The following SAMD12 variants were observed in gnomAD, a reference collection of about 807,000 sequenced individuals.
SAMD12 encodes the protein sterile alpha motif domain-containing protein 12.
Under a neutral mutation model 15.0 loss-of-function variants are expected in SAMD12, and 9 were observed. The observed-to-expected ratio is 0.60, with a 90% CI of 0.36 to 1.05. The LOEUF (loss-of-function observed/expected upper bound fraction) is 1.05. SAMD12 is among the 50% of genes least tolerant of loss of function. The pLI is 0.01. For missense variants in SAMD12, 230 were observed against 234.2 expected (o/e 0.98, Z 0.12); for synonymous variants, 86 against 90.1 (o/e 0.96, Z 0.25).
At chr8:118,564,005 G>A (rs1826779373) in intron 2 of SAMD12, among the ~76,000 whole-genome samples, 2 of 152,174 alleles carry the variant, frequency 1.3e-5, no homozygotes, top group South Asian at 4.1e-4. Context: ...AACCCCAGAT[G>A]TTGCTGATAA....
At chr8:118,390,392 C>T (rs1343087900) in intron 3 of SAMD12, among the ~76,000 whole-genome samples, 4 of 112,276 alleles carry the variant, frequency 3.6e-5, no homozygotes, top group Non-Finnish European at 7.3e-5. Context: ...TGCAGGGTTT[C>T]GGCTGACTTT....
At chr8:118,372,965 T>C (rs1390221092) in intron 4 of SAMD12, among the ~76,000 whole-genome samples, 2 of 152,060 alleles carry the variant, frequency 1.3e-5, no homozygotes, top group Non-Finnish European at 2.9e-5. Context: ...ACTGTAGGGA[T>C]GGAAAACATC....
chr8:118,515,291 CCAATGTTTAAAAGTT>C (rs1285052092), intron 2 of SAMD12, among the ~76,000 whole-genome samples: 5 of 150,426 alleles, frequency 3.3e-5, no homozygotes, highest in Non-Finnish European at 7.4e-5. Flanking sequence ...CCTCAGCCTC[CCAATGTTTAAAAGTT>C]TTTAGCACCT....
intron 4 of SAMD12, among the ~76,000 whole-genome samples, chr8:118,302,078 GTTTTTTTTTT>G (rs58076997): frequency 2.7e-5 from 2 of 74,690 alleles, no homozygotes; most frequent in African/African-American, 7.0e-5. Flanking sequence ...ATCTTTGAGA[GTTTTTTTTTT>G]TTTTTTTTTT....
At chr8:118,353,239 T>C (rs904657219) in intron 4 of SAMD12, among the ~76,000 whole-genome samples, 2 of 150,074 alleles carry the variant, frequency 1.3e-5, no homozygotes, top group Non-Finnish European at 3.0e-5. Flanking sequence ...TACCATTATA[T>C]GGTTTTGTCA....
chr8:118,183,006 G>A, the SAMD12 span, among the ~76,000 whole-genome samples: 4 of 152,114 alleles, frequency 2.6e-5, no homozygotes, highest in Non-Finnish European at 5.9e-5. Flanking sequence ...TAGTTTTTCG[G>A]ATACTCTTAG....
intron 2 of SAMD12, among the ~76,000 whole-genome samples, chr8:118,502,014 C>A: frequency 7.8e-6 from 1 of 128,162 alleles, no homozygotes; most frequent in Middle Eastern, 3.9e-3. Flanking sequence ...AGCGAGACTC[C>A]GTCTCAAAAA....
At chr8:118,568,419 T>C (rs1330001310) in intron 2 of SAMD12, among the ~76,000 whole-genome samples, 3 of 152,124 alleles carry the variant, frequency 2.0e-5, no homozygotes, top group Non-Finnish European at 4.4e-5. Context: ...CTAAGGACTT[T>C]GGCTTTAATT....
intron 4 of SAMD12, among the ~76,000 whole-genome samples, chr8:118,349,029 A>C (rs150897405): frequency 6.6e-6 from 1 of 152,354 alleles, no homozygotes; most frequent in East Asian, 1.9e-4. Flanking sequence ...GCAAGACTCT[A>C]AACAGCCTTC....
chr8:118,415,538 G>C (rs1470621372), intron 3 of SAMD12, among the ~76,000 whole-genome samples: 1 of 147,020 alleles, frequency 6.8e-6, no homozygotes, highest in Admixed American at 6.9e-5. Context: ...TGACATGAAG[G>C]GAAAAAGATA....
chr8:118,496,178 C>A (rs1824602526), intron 2 of SAMD12, among the ~76,000 whole-genome samples: 1 of 152,164 alleles, frequency 6.6e-6, no homozygotes, highest in South Asian at 2.1e-4. Context: ...ATCAAACTAC[C>A]AATGTCATTT....
At chr8:118,419,751 C>T (rs796143496) in intron 3 of SAMD12, among the ~76,000 whole-genome samples, 6 of 152,240 alleles carry the variant, frequency 3.9e-5, no homozygotes, top group African/African-American at 1.2e-4. Flanking sequence ...GGTTAAGATC[C>T]TTATGGAATA....
chr8:118,177,723 T>C, the SAMD12 span, among the ~76,000 whole-genome samples: 26 of 119,726 alleles, frequency 2.2e-4, no homozygotes, highest in African/African-American at 6.9e-4. Flanking sequence ...ATCCTGTTTT[T>C]AAAAACATAA....
intron 2 of SAMD12, among the ~76,000 whole-genome samples, chr8:118,465,426 G>A (rs1051281313): frequency 6.6e-6 from 1 of 152,134 alleles, no homozygotes; most frequent in Admixed American, 6.5e-5. Flanking sequence ...CAAGGCATCT[G>A]TCTGCTTGCC....
intron 4 of SAMD12, among the ~76,000 whole-genome samples, chr8:118,199,302 C>T (rs981696653): frequency 1.3e-5 from 2 of 152,122 alleles, no homozygotes; most frequent in Non-Finnish European, 2.9e-5. Flanking sequence ...AAAATAAATA[C>T]TTTGTAATTT....
At chr8:118,178,078 T>C in the SAMD12 span, among the ~76,000 whole-genome samples, 1 of 152,220 alleles carries the variant, frequency 6.6e-6, no homozygotes, top group African/African-American at 2.4e-5. Flanking sequence ...TCCAGGTATA[T>C]TTGGGTAATT....
intron 4 of SAMD12, among the ~76,000 whole-genome samples, chr8:118,228,820 A>G (rs1812241110): frequency 1.3e-5 from 2 of 152,218 alleles, no homozygotes; most frequent in African/African-American, 2.4e-5. Context: ...TCATTATTCG[A>G]AAAAGATACT....
At chr8:118,375,690 T>C (rs1327675636), downstream of SAMD12, 1 of 152,114 alleles carries the variant, frequency 6.6e-6, no homozygotes, top group Non-Finnish European at 1.5e-5. Flanking sequence ...TTCACCCTTT[T>C]TCCTTCTTGT....
At chr8:118,469,999 A>G (rs1823745854) in intron 2 of SAMD12, among the ~76,000 whole-genome samples, 1 of 152,212 alleles carries the variant, frequency 6.6e-6, no homozygotes, top group South Asian at 2.1e-4. Flanking sequence ...ATACACACGC[A>G]CATACATATA....
Sources: gnomAD v4.1 joint callset for allele counts (sites outside exome capture counted in the v4.1 genomes callset) on GRCh38, gnomAD v4.1.1 for gene constraint, MANE v1.5 for transcripts, NCBI Gene and HGNC (gene_info 2026-07-23, HGNC 2026-07-21) for gene names.